The following FHL2 variants were observed in gnomAD, a reference collection of about 807,000 sequenced individuals.
FHL2 encodes four and a half LIM domains 2.
A neutral mutation model predicts 32.7 loss-of-function variants in FHL2; 20 were observed. That is an observed-to-expected ratio of 0.61 (90% CI 0.43 to 0.89). The LOEUF (loss-of-function observed/expected upper bound fraction) is 0.89, where lower values mean the gene tolerates loss of function less well. FHL2 is among the 40% of genes least tolerant of loss of function. The pLI is 0.00. For missense variants in FHL2, 311 were observed against 358.6 expected (o/e 0.87, Z 1.07); for synonymous variants, 123 against 128.1 (o/e 0.96, Z 0.27).
At chr2:105,370,186 A>G (rs1170194994) in intron 4 of FHL2, among the ~76,000 whole-genome samples, 1 of 152,116 alleles carries the variant, frequency 6.6e-6, no homozygotes, top group Admixed American at 6.5e-5. Context: ...CAGCCTGGGC[A>G]ACATAGAGAG....
At chr2:105,385,860 C>T (rs1682267655) in intron 3 of FHL2, 1 of 173,196 alleles carries the variant, frequency 5.8e-6, no homozygotes, top group Admixed American at 6.3e-5. Flanking sequence ...AATACAAATC[C>T]TGTCCTTCTC....
At chr2:105,373,479 A>G in intron 4 of FHL2, 80 bp downstream of exon 4, 1 of 1,495,868 alleles carries the variant, frequency 6.7e-7, no homozygotes, top group Non-Finnish European at 9.3e-7. Flanking sequence ...AACCAAGTCA[A>G]TGTGAACAGG....
intron 5 of FHL2, among the ~76,000 whole-genome samples, chr2:105,365,273 C>T (rs1007573837): frequency 2.6e-5 from 4 of 152,210 alleles, no homozygotes; most frequent in African/African-American, 7.2e-5. Flanking sequence ...GAGTGTACTT[C>T]CACCTAGACT....
intron 5 of FHL2, 150 bp downstream of exon 5, chr2:105,367,419 TA>T: frequency 1.4e-6 from 1 of 730,334 alleles, no homozygotes; most frequent in Non-Finnish European, 2.3e-6. Flanking sequence ...ACCCGATGGA[TA>T]AATGCTCAGA....
At chr2:105,366,061 C>G (rs1291486295) in intron 5 of FHL2, among the ~76,000 whole-genome samples, 2 of 150,768 alleles carry the variant, frequency 1.3e-5, no homozygotes, top group Non-Finnish European at 3.0e-5. Context: ...CAAAAAAAAC[C>G]GGCTGGGCAT....
chr2:105,431,198 C>T (rs948969044), intron 1 of FHL2, among the ~76,000 whole-genome samples: 2 of 152,126 alleles, frequency 1.3e-5, no homozygotes, highest in African/African-American at 2.4e-5. Flanking sequence ...ACAACTTCAT[C>T]GTTCAACAGA....
At chr2:105,407,391 CAA>C (rs35638962) in intron 1 of FHL2, among the ~76,000 whole-genome samples, 47 of 78,454 alleles carry the variant, frequency 6.0e-4, no homozygotes, top group Non-Finnish European at 6.2e-4. Context: ...GACTCTGTCT[CAA>C]AAAAAAAAAA....
At chr2:105,434,145 C>T (rs759957364) in intron 1 of FHL2, among the ~76,000 whole-genome samples, 3 of 152,248 alleles carry the variant, frequency 2.0e-5, no homozygotes, top group Non-Finnish European at 2.9e-5. Flanking sequence ...TATTTTAAAA[C>T]ATTCATAGAT....
At chr2:105,414,037 C>T (rs908103975) in intron 1 of FHL2, among the ~76,000 whole-genome samples, 1 of 152,168 alleles carries the variant, frequency 6.6e-6, no homozygotes, top group Non-Finnish European at 1.5e-5. Flanking sequence ...ATACTTCTGA[C>T]CAACAGGCTA....
At chr2:105,408,916 A>G (rs112353907) in intron 1 of FHL2, among the ~76,000 whole-genome samples, 46 of 152,200 alleles carry the variant, frequency 3.0e-4, no homozygotes, top group African/African-American at 1.1e-3. Flanking sequence ...GGGACCCTAC[A>G]TCCAACGTGA....
chr2:105,427,149 T>A (rs979750473), intron 1 of FHL2, among the ~76,000 whole-genome samples: 3 of 152,138 alleles, frequency 2.0e-5, no homozygotes, highest in Non-Finnish European at 4.4e-5. Flanking sequence ...CAAATTTTGG[T>A]GGCTGCCCAC....
chr2:105,436,592 TAC>T (rs1331367672), intron 1 of FHL2, among the ~76,000 whole-genome samples: 1 of 152,124 alleles, frequency 6.6e-6, no homozygotes, highest in Non-Finnish European at 1.5e-5. Flanking sequence ...AATTATTATT[TAC>T]AGTTTCCCAC....
At chr2:105,410,481 A>G (rs948128143) in intron 1 of FHL2, among the ~76,000 whole-genome samples, 3 of 152,190 alleles carry the variant, frequency 2.0e-5, no homozygotes, top group Non-Finnish European at 4.4e-5. Flanking sequence ...GAGGGTCTCT[A>G]ACAGCACCAG....
intron 1 of FHL2, among the ~76,000 whole-genome samples, chr2:105,422,464 T>G (rs6742386): frequency 6.6e-6 from 1 of 151,996 alleles, no homozygotes; most frequent in African/African-American, 2.4e-5. Context: ...AGAGAAATAT[T>G]TTTTTTATTT....
intron 1 of FHL2, among the ~76,000 whole-genome samples, chr2:105,434,960 G>A (rs928715764): frequency 2.6e-5 from 4 of 151,988 alleles, no homozygotes; most frequent in Admixed American, 6.6e-5. Context: ...TTTTATGTTT[G>A]CATAGAATTT....
chr2:105,413,113 C>T (rs1683844268), intron 1 of FHL2, among the ~76,000 whole-genome samples: 1 of 152,164 alleles, frequency 6.6e-6, no homozygotes, highest in Non-Finnish European at 1.5e-5. Flanking sequence ...GGTTCCATCC[C>T]TTCCACCAGG....
chr2:105,431,763 C>T (rs892331679), intron 1 of FHL2, among the ~76,000 whole-genome samples: 15 of 152,306 alleles, frequency 9.8e-5, no homozygotes, highest in African/African-American at 3.4e-4. Flanking sequence ...TAAACAGAGA[C>T]CTGTGGTTAA....
intron 3 of FHL2, chr2:105,374,096 A>G (rs1257942837): frequency 3.2e-5 from 10 of 311,054 alleles, no homozygotes; most frequent in Admixed American, 2.7e-4. Context: ...TGACAGAGAA[A>G]CAGACTGCAG....
chr2:105,391,389 G>A (rs1200115798), intron 2 of FHL2, among the ~76,000 whole-genome samples: 1 of 152,170 alleles, frequency 6.6e-6, no homozygotes, highest in Admixed American at 6.5e-5. Flanking sequence ...AGAGCAGGCA[G>A]GCATCCCAGA....
Sources: gnomAD v4.1 joint callset for allele counts (sites outside exome capture counted in the v4.1 genomes callset) on GRCh38, gnomAD v4.1.1 for gene constraint, MANE v1.5 for transcripts, NCBI Gene and HGNC (gene_info 2026-07-23, HGNC 2026-07-21) for gene names.